The following LDLRAD3 variants were observed in gnomAD, a reference collection of about 807,000 sequenced individuals.
LDLRAD3 encodes low density lipoprotein receptor class A domain containing 3.
Under a neutral mutation model 29.4 loss-of-function variants are expected in LDLRAD3, and 20 were observed. The observed-to-expected ratio is 0.68, with a 90% CI of 0.48 to 0.99. The LOEUF (loss-of-function observed/expected upper bound fraction) is 0.99, where lower values mean the gene tolerates loss of function less well. LDLRAD3 is among the 50% of genes least tolerant of loss of function. The pLI is 0.00. For missense variants in LDLRAD3, 420 were observed against 454.3 expected, an observed-to-expected ratio of 0.92 and a Z score of 0.69; for synonymous variants, 157 against 192.7, an observed-to-expected ratio of 0.81 and a Z score of 1.53.
chr11:36,202,044 CTTT>C, intron 4 of LDLRAD3, among the ~76,000 whole-genome samples: 1 of 136,584 alleles, frequency 7.3e-6, no homozygotes, highest in African/African-American at 2.7e-5. Flanking sequence ...CTGGGGACAT[CTTT>C]TTTTTTTTTT....
intron 3 of LDLRAD3, among the ~76,000 whole-genome samples, chr11:36,094,052 C>T (rs1054415278): frequency 6.6e-6 from 1 of 152,208 alleles, no homozygotes; most frequent in African/African-American, 2.4e-5. Context: ...TTTCTCAATC[C>T]AGTCTGTGGA....
intron 4 of LDLRAD3, among the ~76,000 whole-genome samples, chr11:36,195,905 G>T (rs116834354): frequency 2.2e-4 from 34 of 152,030 alleles, no homozygotes; most frequent in African/African-American, 7.7e-4. Flanking sequence ...TTTAGCATCT[G>T]CACGTAAAGA....
chr11:36,191,874 ACTGT>A (rs1438638204), intron 4 of LDLRAD3, among the ~76,000 whole-genome samples: 2 of 152,026 alleles, frequency 1.3e-5, no homozygotes, highest in Non-Finnish European at 2.9e-5. Context: ...ATCTGTAATT[ACTGT>A]CTAACTAAGG....
intron 1 of LDLRAD3, among the ~76,000 whole-genome samples, chr11:35,959,468 T>C: frequency 6.6e-6 from 1 of 152,246 alleles, no homozygotes; most frequent in East Asian, 1.9e-4. Flanking sequence ...ATTATAAGAT[T>C]AACTTGGGTG....
chr11:36,002,976 C>T (rs1433495098), intron 1 of LDLRAD3, among the ~76,000 whole-genome samples: 1 of 152,238 alleles, frequency 6.6e-6, no homozygotes, highest in Non-Finnish European at 1.5e-5. Flanking sequence ...TGTGTTATTA[C>T]GTTATCATCA....
intron 1 of LDLRAD3, among the ~76,000 whole-genome samples, chr11:36,000,449 G>A (rs1432988131): frequency 2.6e-5 from 4 of 151,958 alleles, no homozygotes; most frequent in Non-Finnish European, 5.9e-5. Flanking sequence ...AGGAAGATGG[G>A]TGAGAGGGTC....
chr11:36,112,878 C>T (rs1186828619), intron 4 of LDLRAD3, among the ~76,000 whole-genome samples: 2 of 152,204 alleles, frequency 1.3e-5, no homozygotes, highest in African/African-American at 4.8e-5. Flanking sequence ...CCCAGTATCT[C>T]TGCCTTTTCA....
At chr11:36,220,515 A>C (rs1855413357) in intron 4 of LDLRAD3, among the ~76,000 whole-genome samples, 1 of 152,244 alleles carries the variant, frequency 6.6e-6, no homozygotes, top group Non-Finnish European at 1.5e-5. Context: ...AGAAACATGG[A>C]TGAATCTCAA....
chr11:36,109,347 C>T lies in LDLRAD3; in HGVS notation c.454+10886C>T, dbSNP rs60578107. On this transcript the variant is annotated intron_variant, in intron 4 of 5. Transcript: ENST00000315571. Reference sequence around the variant, plus strand: ...CTCTCCCATGGGCCGTGGGAAGCCACGGATAAGACACGTGAAGGTGGGGGC... The same window carrying T: ...CTCTCCCATGGGCCGTGGGAAGCCATGGATAAGACACGTGAAGGTGGGGGC... 2.7e-3 allele frequency among the ~76,000 whole-genome samples: 408 copies of T among 148,450 alleles called. 19 individuals carry two copies. In the East Asian group the frequency reaches 0.071, roughly 26 times the overall value.
chr11:36,051,503 C>G (rs1025370178), intron 2 of LDLRAD3, among the ~76,000 whole-genome samples: 1 of 152,224 alleles, frequency 6.6e-6, no homozygotes, highest in Admixed American at 6.5e-5. Flanking sequence ...GATTAAATGA[C>G]TCTCTGGAAA....
intron 4 of LDLRAD3, among the ~76,000 whole-genome samples, chr11:36,158,154 G>GA (rs1854381383): frequency 6.6e-6 from 1 of 152,096 alleles, no homozygotes; most frequent in South Asian, 2.1e-4. Context: ...ACCTGATGTT[G>GA]AAAAAACATT....
At chr11:36,192,361 A>G (rs1854967516) in intron 4 of LDLRAD3, among the ~76,000 whole-genome samples, 1 of 152,190 alleles carries the variant, frequency 6.6e-6, no homozygotes, top group African/African-American at 2.4e-5. Flanking sequence ...ATCCACCTTA[A>G]TGATGGAAGC....
chr11:36,078,662 C>G (rs1853058135), intron 2 of LDLRAD3, among the ~76,000 whole-genome samples: 1 of 152,152 alleles, frequency 6.6e-6, no homozygotes, highest in East Asian at 1.9e-4. Flanking sequence ...TGCAGCCATG[C>G]CCAGAAGGGT....
At chr11:36,006,198 C>A (rs1851883117) in intron 1 of LDLRAD3, among the ~76,000 whole-genome samples, 1 of 152,176 alleles carries the variant, frequency 6.6e-6, no homozygotes, top group Non-Finnish European at 1.5e-5. Context: ...TTTAATCCTT[C>A]TTTTCTCCCT....
intron 4 of LDLRAD3, among the ~76,000 whole-genome samples, chr11:36,164,840 A>C (rs1854492074): frequency 6.6e-6 from 1 of 152,248 alleles, no homozygotes; most frequent in Non-Finnish European, 1.5e-5. Context: ...ATATTTACAA[A>C]TGTGCTTCAC....
At chr11:35,948,914 CA>C (rs1437334440) in intron 1 of LDLRAD3, among the ~76,000 whole-genome samples, 8 of 152,176 alleles carry the variant, frequency 5.3e-5, no homozygotes, top group African/African-American at 1.7e-4. Context: ...GTGACAGCCA[CA>C]AATGCCTCCC....
chr11:36,126,690 C>T (rs1853843050), intron 4 of LDLRAD3, among the ~76,000 whole-genome samples: 1 of 152,098 alleles, frequency 6.6e-6, no homozygotes, highest in South Asian at 2.1e-4. Flanking sequence ...GTCTAAGTTG[C>T]CTTTTGATTT....
Position 36,015,750 on chromosome 11 carries a change from C to T in LDLRAD3, c.47-20353C>T, listed in dbSNP as rs180679650. Among the ~76,000 whole-genome samples the T allele has an allele frequency of 3.6e-3, 541 of 152,114 alleles. 3 individuals are homozygous for T. The highest frequency in any genetic ancestry group is 6.2e-3 in the Non-Finnish European group (420 of 68,008). ...AGAATGTCTGGCTCCTTTTACTCCA[C>T]GTTAAAAAGATCTAGTTTCCACCTC... On this transcript the variant is annotated intron_variant, in intron 1 of 5. Coordinates refer to ENST00000315571, the MANE Select transcript of LDLRAD3 (RefSeq NM_174902.4).
At chr11:35,967,812 G>T in intron 1 of LDLRAD3, 1 of 438,964 alleles carries the variant, frequency 2.3e-6, no homozygotes, top group Non-Finnish European at 4.5e-6. Flanking sequence ...ATAGCAGCCT[G>T]CAAGCTCCTG....
Sources: allele counts gnomAD v4.1 joint callset (sites outside exome capture counted in the v4.1 genomes callset), GRCh38; gene constraint gnomAD v4.1.1; transcripts MANE v1.5; gene names NCBI Gene and HGNC (gene_info 2026-07-23, HGNC 2026-07-21).